EPHA4: variants seen among roughly 807,000 people sequenced by gnomAD.
EPHA4 encodes EPH receptor A4.
In EPHA4, 19 loss-of-function variants were observed where a neutral mutation model predicts 108.3. That is an observed-to-expected ratio of 0.18 (90% CI 0.12 to 0.26). The LOEUF is 0.26. EPHA4 is among the 10% of genes least tolerant of loss of function. EPHA4 has a pLI of 1.00. For missense variants in EPHA4, 917 were observed against 1,254.0 expected (o/e 0.73, Z 4.06); for synonymous variants, 449 against 455.5 (o/e 0.99, Z 0.18).
chr2:221,569,370 C>T (rs1694760392), intron 1 of EPHA4: 1 of 152,104 alleles, frequency 6.6e-6, no homozygotes, highest in African/African-American at 2.4e-5. Flanking sequence ...GAATGCCAGA[C>T]GTGCAGAATC....
rs1015846334 is a variant in EPHA4 at position 221,419,182 on chromosome 2, G to C, written c.*2190C>G. The C allele has an allele frequency of 1.3e-5, 2 of 152,564 alleles. No homozygotes were observed. The highest frequency in any genetic ancestry group is 4.8e-5 in the African/African-American group (2 of 41,416). The allele number at this position is 152,564 out of a possible 1,614,324, so 9.5% of individuals were successfully genotyped here. ...AATGGCAGTAAGTTGGCTGGAGTTT[G>C]GTATACATATCATATCAATACTGAA... On this transcript the variant is annotated 3_prime_UTR_variant, in exon 18 of 18. Coordinates refer to ENST00000281821, the MANE Select transcript of EPHA4 (RefSeq NM_004438.5).
intron 3 of EPHA4, among the ~76,000 whole-genome samples, chr2:221,530,861 C>T (rs945655669): frequency 3.9e-5 from 6 of 152,122 alleles, no homozygotes; most frequent in African/African-American, 1.4e-4. Context: ...CTCCACTGTG[C>T]TGTGGGCAAA....
chr2:221,539,169 A>G (rs1005189051), intron 3 of EPHA4, among the ~76,000 whole-genome samples: 7 of 152,152 alleles, frequency 4.6e-5, no homozygotes, highest in African/African-American at 1.7e-4. Context: ...GCTAATATTG[A>G]TTGCAGGATT....
intron 3 of EPHA4, among the ~76,000 whole-genome samples, chr2:221,557,401 G>A (rs565974136): frequency 9.6e-5 from 14 of 145,596 alleles, no homozygotes; most frequent in Admixed American, 9.4e-4. Context: ...ATAAAAATAA[G>A]AGTAACAATT....
intron 3 of EPHA4, among the ~76,000 whole-genome samples, chr2:221,558,821 A>T (rs909713715): frequency 6.6e-6 from 1 of 152,182 alleles, no homozygotes; most frequent in Non-Finnish European, 1.5e-5. Flanking sequence ...AAAGAATTAC[A>T]TTTTTTCAAT....
At chr2:221,454,595 G>A (rs756490865) in intron 8 of EPHA4, among the ~76,000 whole-genome samples, 3 of 152,208 alleles carry the variant, frequency 2.0e-5, no homozygotes, top group African/African-American at 7.2e-5. Flanking sequence ...TTGTGAAACA[G>A]TTGATGGTAT....
chr2:221,429,357 G>A lies in EPHA4; in HGVS notation c.2690+601C>T, dbSNP rs376079758. ...TCCAAGAAAATAACTACCTCTTTCA[G>A]GTGGTCCAATCATTTTGGTCTTTAA... On this transcript the variant is annotated intron_variant, in intron 15 of 17. Transcript: ENST00000281821. Among the ~76,000 whole-genome samples the A allele has an allele frequency of 9.2e-5, 14 of 152,202 alleles. No individual in the cohort carries two copies. In the East Asian group the frequency reaches 2.5e-3, roughly 27 times the overall value.
In EPHA4 at chr2:221,571,574, T is replaced by G. The variant is rs1190416078; in HGVS notation, c.91+584A>C. Among the ~76,000 whole-genome samples, 1 of 151,978 alleles carries G rather than the reference T, an allele frequency of 6.6e-6. No individual in the cohort carries two copies. Among genetic ancestry groups the G allele is most frequent in the Non-Finnish European group, 1.5e-5 (1 of 67,986 alleles). The stretch of plus-strand genomic sequence containing the variant: ...AATCGCACCCTCGGGGCGCTGGGCT[T>G]GGCGAGGAGAAAGGTGTCTGACTCC... On this transcript the variant is annotated intron_variant, in intron 1 of 17. Transcript: ENST00000281821. This position sits in a 1 kb window ranked among gnomAD's most constrained non-coding sequence, Gnocchi z 6.3.
At chr2:221,430,884 A>G (rs947510563) in intron 14 of EPHA4, among the ~76,000 whole-genome samples, 1 of 152,208 alleles carries the variant, frequency 6.6e-6, no homozygotes, top group Non-Finnish European at 1.5e-5. Context: ...AGGAAGTTAT[A>G]ATGGTACATG....
At chr2:221,428,066 G>A (rs2106090655) in intron 15 of EPHA4, among the ~76,000 whole-genome samples, 1 of 152,226 alleles carries the variant, frequency 6.6e-6, no homozygotes, top group East Asian at 1.9e-4. Flanking sequence ...AACAACAAAT[G>A]TTACCACATA....
In EPHA4 at chr2:221,572,153, C is replaced by T. The variant is rs1385570788; in HGVS notation, c.91+5G>A. On this transcript the variant is annotated splice_donor_5th_base_variant and intron_variant, in intron 1 of 17. Transcript: ENST00000281821. ...CCGACCACAGAAAGGCCGTCCCGCT[C>T]TTACCTTCATTCGCGGGGTATACCC... 4 of 1,613,282 alleles carry T rather than the reference C, an allele frequency of 2.5e-6. No homozygotes were observed. The highest frequency in any genetic ancestry group is 3.3e-5 in the Admixed American group (2 of 60,024).
intron 3 of EPHA4, among the ~76,000 whole-genome samples, chr2:221,507,358 A>G (rs1225887385): frequency 6.6e-6 from 1 of 151,978 alleles, no homozygotes; most frequent in Admixed American, 6.6e-5. Flanking sequence ...TTTTCAATTG[A>G]TTTTCTTTTT....
At chr2:221,480,359 A>G (rs1323478106) in intron 5 of EPHA4, among the ~76,000 whole-genome samples, 1 of 152,176 alleles carries the variant, frequency 6.6e-6, no homozygotes, top group Non-Finnish European at 1.5e-5. Context: ...TTGCGAATGA[A>G]TAGCCAAAAA....
At chr2:221,543,996 C>CT (rs1209946877) in intron 3 of EPHA4, among the ~76,000 whole-genome samples, 1 of 152,110 alleles carries the variant, frequency 6.6e-6, no homozygotes, top group Non-Finnish European at 1.5e-5. Context: ...TTTCTGGCTC[C>CT]TAGACAGTGC....
intron 3 of EPHA4, among the ~76,000 whole-genome samples, chr2:221,541,639 A>G (rs1015954471): frequency 6.6e-6 from 1 of 152,204 alleles, no homozygotes; most frequent in African/African-American, 2.4e-5. Flanking sequence ...ACAGAAATGC[A>G]ATCTAAAACA....
In EPHA4 at chr2:221,489,128, A is replaced by G. The variant is rs541035893; in HGVS notation, c.980-6438T>C. On this transcript the variant is annotated intron_variant, in intron 4 of 17. Coordinates refer to ENST00000281821, the MANE Select transcript of EPHA4 (RefSeq NM_004438.5). The stretch of plus-strand genomic sequence containing the variant: ...AAGTTTGGTATAAACCATTCCATGG[A>G]AAGTCCAGGTACCCTATGTACTCTA... Among the ~76,000 whole-genome samples the G allele has an allele frequency of 4.6e-5, 7 of 152,324 alleles. 1 individual carries two copies. Among genetic ancestry groups the G allele is most frequent in the African/African-American group, 1.4e-4 (6 of 41,580 alleles).
chr2:221,421,807 T>C (rs892224102), intron 17 of EPHA4, among the ~76,000 whole-genome samples: 2 of 152,218 alleles, frequency 1.3e-5, no homozygotes, highest in African/African-American at 4.8e-5. Flanking sequence ...TTTTATAGAT[T>C]ATTTTGCCTA....
intron 8 of EPHA4, among the ~76,000 whole-genome samples, chr2:221,453,765 C>G (rs140329903): frequency 1.3e-5 from 2 of 152,132 alleles, no homozygotes; most frequent in Admixed American, 1.3e-4. Flanking sequence ...GCAATGAACA[C>G]GGTGTAAAAC....
At position 221,457,769 on chromosome 2, in the gene EPHA4, AGAGG is replaced by A. The variant is rs539041905; in HGVS notation, c.1443+93_1443+96del. On this transcript the variant is annotated intron_variant, in intron 6 of 17. Coordinates refer to ENST00000281821, the MANE Select transcript of EPHA4 (RefSeq NM_004438.5). ...TCGAGGAAAGAAGGAAGAAAAGAAG[AGAGG>A]GAGGGAGGGAGGGAAGGAGAAAGGA... is the stretch of plus-strand genomic sequence containing the variant. The A allele has an allele frequency of 3.8e-4, 502 of 1,308,844 alleles. 3 individuals are homozygous for A. Among genetic ancestry groups the A allele is most frequent in the South Asian group, 2.5e-3 (175 of 69,618 alleles). The allele number at this position is 1,308,844 out of a possible 1,614,324, so 81.1% of individuals were successfully genotyped here. A position where few individuals can be genotyped will look rare whatever the true frequency, so the allele number is the denominator to read the frequency against.
Sources: gnomAD v4.1 joint callset for allele counts (sites outside exome capture counted in the v4.1 genomes callset) on GRCh38, gnomAD v4.1.1 for gene constraint, Gnocchi (gnomAD v3.1) non-coding constraint, MANE v1.5 for transcripts, NCBI Gene and HGNC (gene_info 2026-07-23, HGNC 2026-07-21) for gene names.